The following CFAP54 variants were observed in gnomAD, a reference collection of about 807,000 sequenced individuals.
CFAP54 encodes the protein cilia- and flagella-associated protein 54.
Under a neutral mutation model 370.4 loss-of-function variants are expected in CFAP54, and 290 were observed. The observed-to-expected ratio is 0.78, with a 90% confidence interval of 0.71 to 0.86. The LOEUF (loss-of-function observed/expected upper bound fraction) is 0.86, where lower values mean the gene tolerates loss of function less well. Among genes scored for constraint, CFAP54 ranks in the 40% least tolerant of loss-of-function variants. CFAP54 has a pLI of 0.00. For synonymous variants in CFAP54, 1,206 were observed against 1,236.5 expected (o/e 0.98, Z 0.52); for missense variants, 3,399 against 3,528.7 (o/e 0.96, Z 0.93).
At position 96,792,463 on chromosome 12, in the gene CFAP54, TC is replaced by T; in HGVS notation, c.8818del (p.Leu2940TrpfsTer20). The T allele has an allele frequency of 1.3e-6, 2 of 1,535,828 alleles. No homozygotes were observed. Among genetic ancestry groups the T allele is most frequent in the Non-Finnish European group, 1.7e-6 (2 of 1,146,716 alleles). On this transcript the variant is annotated frameshift_variant, in exon 63 of 68. Coordinates refer to ENST00000524981, the MANE Select transcript of CFAP54 (RefSeq NM_001306084.2). LOFTEE classifies it high-confidence loss of function. ...KELCFQWYIP[P>X]LDRPPKETEP... ...AACTTTGCTTTCAATGGTACATTCC[TC>T]CCCTGGATAGACCTCCCAAGGAGAC...
At chr12:96,490,950 G>C (rs1254409025) in intron 1 of CFAP54, among the ~76,000 whole-genome samples, 1 of 151,720 alleles carries the variant, frequency 6.6e-6, no homozygotes, top group Non-Finnish European at 1.5e-5. Flanking sequence ...AATGGTGTTG[G>C]AGGATATGAG....
chr12:96,590,346 A>G (rs1271121764), intron 23 of CFAP54, among the ~76,000 whole-genome samples: 2 of 152,166 alleles, frequency 1.3e-5, no homozygotes, highest in Non-Finnish European at 2.9e-5. Flanking sequence ...CTTTACTGCC[A>G]TTTTCCTTAA....
chr12:96,612,381 G>A (rs969462637), intron 26 of CFAP54, among the ~76,000 whole-genome samples: 3 of 152,190 alleles, frequency 2.0e-5, no homozygotes, highest in Non-Finnish European at 4.4e-5. Flanking sequence ...AAGAGCTCCT[G>A]AAGGGAGCAC....
chr12:96,750,958 A>G, intron 55 of CFAP54, among the ~76,000 whole-genome samples: 1 of 152,226 alleles, frequency 6.6e-6, no homozygotes, highest in Non-Finnish European at 1.5e-5. Context: ...CTGTGACTTG[A>G]TGCTTTCTTG....
Position 96,621,875 on chromosome 12 carries a change from G to GTTTGTTTTTTTTTT in CFAP54, c.3771+157_3771+158insGTTTTTTTTTTTTT, listed in dbSNP as rs1956496257. On this transcript the variant is annotated intron_variant, in intron 27 of 67. Transcript: ENST00000524981. The stretch of plus-strand genomic sequence containing the variant: ...ATTATAGTAAAGAGCTTTTGGGTTT[G>GTTTGTTTTTTTTTT]TTTTTTTTTTTTTTTTTTTTTTTTT... 9.8e-4 allele frequency among the ~76,000 whole-genome samples: 49 copies of GTTTGTTTTTTTTTT among 50,032 alleles called. 1 individual carries two copies. The highest frequency in any genetic ancestry group is 5.9e-3 in the East Asian group (7 of 1,186). 32.8% of individuals were successfully genotyped at this position (50,032 alleles called of 152,430 possible). A position where few individuals can be genotyped will look rare whatever the true frequency, so the allele number is the denominator to read the frequency against.
Position 96,547,893 on chromosome 12 carries a change from C to T in CFAP54, c.2078-9C>T, listed in dbSNP as rs1219350108. ...CCTTCATTCCCTTCCTCCTTCCTTT[C>T]TTTTCCAGATGTACCTTTAAGAGAA... On this transcript the variant is annotated splice_polypyrimidine_tract_variant and intron_variant, in intron 14 of 67. Coordinates refer to ENST00000524981, the MANE Select transcript of CFAP54 (RefSeq NM_001306084.2). 2.8e-6 allele frequency: 4 copies of T among 1,433,072 alleles called. No homozygotes were observed. The highest frequency in any genetic ancestry group is 2.3e-5 in the Admixed American group (1 of 43,236). The allele number at this position is 1,433,072 out of a possible 1,614,324, so 88.8% of individuals were successfully genotyped here.
intron 60 of CFAP54, among the ~76,000 whole-genome samples, chr12:96,770,900 G>A (rs192950621): frequency 1.4e-3 from 213 of 152,360 alleles, no homozygotes; most frequent in African/African-American, 5.0e-3. Flanking sequence ...TGATAAGAAA[G>A]TATTGCCAGG....
intron 66 of CFAP54, among the ~76,000 whole-genome samples, chr12:96,844,309 A>C (rs1022332621): frequency 6.6e-6 from 1 of 152,142 alleles, no homozygotes; most frequent in Non-Finnish European, 1.5e-5. Context: ...ACACCAGAAG[A>C]GGAGACGGCC....
chr12:96,676,094 AG>A lies in CFAP54; in HGVS notation c.5564-3505del, dbSNP rs765906998. On this transcript the variant is annotated intron_variant, in intron 39 of 67. Transcript: ENST00000524981. ...CTAAAACTTAAAGTATAATAAAAAA[AG>A]ATACATGACCAGTAGTCATGATGTG... Among the ~76,000 whole-genome samples, 200 of 151,980 alleles carry A rather than the reference AG, an allele frequency of 1.3e-3. 2 individuals carry two copies. The highest frequency in any genetic ancestry group is 4.4e-3 in the African/African-American group (183 of 41,454).
chr12:96,594,792 G>T (rs1378477980), intron 25 of CFAP54, among the ~76,000 whole-genome samples: 2 of 152,056 alleles, frequency 1.3e-5, no homozygotes, highest in African/African-American at 2.4e-5. Flanking sequence ...TCCATCATCT[G>T]GAGAAAAACA....
chr12:96,768,618 A>G (rs1431242388), intron 60 of CFAP54, among the ~76,000 whole-genome samples: 1 of 152,194 alleles, frequency 6.6e-6, no homozygotes, highest in Admixed American at 6.5e-5. Context: ...CACGCCACTC[A>G]CTGCACTCCA....
rs570270993 is a variant in CFAP54 at position 96,587,400 on chromosome 12, A to G, written c.3076-2027A>G. On this transcript the variant is annotated intron_variant, in intron 22 of 67. Coordinates refer to ENST00000524981, the MANE Select transcript of CFAP54 (RefSeq NM_001306084.2). ...ACCAAGAGTGGAATTCTGGAAGCCA[A>G]GCGAAGGTCAGGCATCAAAGAGGAG... Among the ~76,000 whole-genome samples the G allele has an allele frequency of 3.0e-3, 460 of 152,314 alleles. 4 individuals are homozygous for G. Among genetic ancestry groups the G allele is most frequent in the African/African-American group, 0.01 (421 of 41,564 alleles).
chr12:96,575,474 A>G lies in CFAP54; in HGVS notation c.2620-1111A>G, dbSNP rs561045656. ...TAAGTGAAAGCGTAATAATAATAAT[A>G]GTTCTGATATGGCAAAACAGAATGT... On this transcript the variant is annotated intron_variant, in intron 19 of 67. Transcript: ENST00000524981. Among the ~76,000 whole-genome samples the G allele has an allele frequency of 3.9e-5, 6 of 152,214 alleles. No homozygotes were observed. The South Asian group carries it at 1.2e-3, about 32-fold the overall frequency.
intron 3 of CFAP54, among the ~76,000 whole-genome samples, chr12:96,506,672 T>C (rs1164067730): frequency 1.3e-5 from 2 of 150,858 alleles, no homozygotes; most frequent in Non-Finnish European, 3.0e-5. Flanking sequence ...CTGCAACCTC[T>C]GCCTCCCAGG....
intron 19 of CFAP54, chr12:96,572,869 C>T: frequency 1.0e-6 from 1 of 985,278 alleles, no homozygotes; most frequent in Non-Finnish European, 1.2e-6. Context: ...ATGTTATAGC[C>T]ATGGCAGAAC....
chr12:96,713,748 T>C (rs1462917643), intron 48 of CFAP54, among the ~76,000 whole-genome samples: 1 of 151,992 alleles, frequency 6.6e-6, no homozygotes, highest in Non-Finnish European at 1.5e-5. Flanking sequence ...AAACAGATGA[T>C]ACTTGAGCAC....
At chr12:96,788,766 A>G (rs1356276303) in intron 62 of CFAP54, among the ~76,000 whole-genome samples, 2 of 152,164 alleles carry the variant, frequency 1.3e-5, no homozygotes, top group Non-Finnish European at 2.9e-5. Flanking sequence ...GGAAAAACCT[A>G]TTAAGATATT....
intron 30 of CFAP54, among the ~76,000 whole-genome samples, chr12:96,628,033 A>G (rs908268414): frequency 4.6e-5 from 7 of 152,242 alleles, no homozygotes; most frequent in African/African-American, 1.4e-4. Context: ...AGCGTTCAGT[A>G]TAGTAACATG....
intron 19 of CFAP54, among the ~76,000 whole-genome samples, chr12:96,567,125 A>C (rs1276948883): frequency 6.6e-6 from 1 of 152,204 alleles, no homozygotes; most frequent in Non-Finnish European, 1.5e-5. Flanking sequence ...CCAGAGAAAC[A>C]GGAGCGCAAA....
Sources: allele counts gnomAD v4.1 joint callset (sites outside exome capture counted in the v4.1 genomes callset), GRCh38; gene constraint gnomAD v4.1.1; transcripts MANE v1.5; gene names NCBI Gene and HGNC (gene_info 2026-07-23, HGNC 2026-07-21).